Variants in TTLL7 observed in about 807,000 individuals in gnomAD.
TTLL7 encodes tubulin tyrosine ligase like 7, also known as tubulin polyglutamylase TTLL7.
In TTLL7, 53 loss-of-function variants were observed where a neutral mutation model predicts 120.2. The observed-to-expected ratio is 0.44, with a 90% CI of 0.35 to 0.55. The LOEUF is 0.55. Ranked by LOEUF, TTLL7 falls within the 20% of genes least tolerant of loss-of-function variation. The pLI, the probability that TTLL7 is intolerant of heterozygous loss-of-function variation, is 0.00. For synonymous variants in TTLL7, 353 were observed against 351.7 expected (o/e 1.00, Z -0.04); for missense variants, 803 against 1,054.7 (o/e 0.76, Z 3.31).
intron 6 of TTLL7, among the ~76,000 whole-genome samples, chr1:83,943,083 C>T (rs187436638): frequency 6.6e-6 from 1 of 152,212 alleles, no homozygotes; most frequent in Non-Finnish European, 1.5e-5. Context: ...TCCTGGAGGA[C>T]CTCAAAGGGC....
intron 17 of TTLL7, among the ~76,000 whole-genome samples, chr1:83,905,319 A>C (rs570033298): frequency 4.6e-5 from 7 of 151,896 alleles, no homozygotes; most frequent in African/African-American, 1.7e-4. Flanking sequence ...TTTGCTTATG[A>C]CTGTGTCATC....
intron 1 of TTLL7, among the ~76,000 whole-genome samples, chr1:83,974,984 T>C (rs1651331374): frequency 6.6e-6 from 1 of 152,078 alleles, no homozygotes; most frequent in African/African-American, 2.4e-5. Flanking sequence ...GCTCTCTCTT[T>C]TTATCTCAAC....
At chr1:83,906,160 A>G (rs1436217594) in intron 17 of TTLL7, among the ~76,000 whole-genome samples, 169 bp downstream of exon 17, 1 of 152,086 alleles carries the variant, frequency 6.6e-6, no homozygotes, top group African/African-American at 2.4e-5. Flanking sequence ...ATGAATTGTA[A>G]CAATTAAAAT....
Position 83,919,792 on chromosome 1 carries a change from A to G in TTLL7, c.1407T>C (p.Tyr469=). The G allele has an allele frequency of 6.2e-7, 1 of 1,612,956 alleles. No individual in the cohort carries two copies. Among genetic ancestry groups the G allele is most frequent in the Non-Finnish European group, 8.5e-7 (1 of 1,179,408 alleles). ...PPEDKALLEK[Y]ENLLAVAFQT... Reference sequence around the variant, plus strand: ...GAAAGGCAACAGCTAACAAATTTTCATACTTTTCAAGTAATGCTTTATCTT... The same window carrying G: ...GAAAGGCAACAGCTAACAAATTTTCGTACTTTTCAAGTAATGCTTTATCTT... Residue 469 remains tyrosine, a synonymous_variant, in exon 13 of 21, where the codon TAT becomes TAC. Transcript: ENST00000260505.
At chr1:83,937,205 AT>A (rs71695804) in intron 8 of TTLL7, among the ~76,000 whole-genome samples, 54,653 of 144,280 alleles carry the variant, frequency 0.38, 11,412 homozygotes, top group Non-Finnish European at 0.49. Context: ...CAGTACGGTA[AT>A]TTTTTTTTTT....
At chr1:83,966,658 ATGGG>A (rs1253430672) in intron 1 of TTLL7, among the ~76,000 whole-genome samples, 1 of 152,102 alleles carries the variant, frequency 6.6e-6, no homozygotes, top group African/African-American at 2.4e-5. Context: ...AAGTAAGGAA[ATGGG>A]TAGAAAATAG....
chr1:83,958,104 T>C (rs1255695087), intron 1 of TTLL7, among the ~76,000 whole-genome samples: 2 of 152,208 alleles, frequency 1.3e-5, no homozygotes, highest in South Asian at 2.1e-4. Context: ...ATGGGGTTGA[T>C]ATCATCACTT....
In TTLL7 at chr1:83,985,222, G is replaced by T. The variant is rs141894615; in HGVS notation, c.-177+13709C>A. Among the ~76,000 whole-genome samples, 460 of 152,230 alleles carry T rather than the reference G, an allele frequency of 3.0e-3. 2 individuals carry two copies. Among genetic ancestry groups the T allele is most frequent in the African/African-American group, 0.01 (427 of 41,534 alleles). The stretch of plus-strand genomic sequence containing the variant: ...TATAGCCTTCAGTCTGTGGCCAGAG[G>T]CCCAAAAACCCCTGGCAATTCCCTG... On this transcript the variant is annotated intron_variant, in intron 1 of 20. Transcript: ENST00000260505.
intron 1 of TTLL7, among the ~76,000 whole-genome samples, chr1:83,988,587 G>A (rs1431777551): frequency 6.6e-6 from 1 of 152,204 alleles, no homozygotes; most frequent in Non-Finnish European, 1.5e-5. Flanking sequence ...TCTGACTGAT[G>A]CGAGATGGTA....
At chr1:83,993,794 G>T (rs1571420600) in intron 1 of TTLL7, among the ~76,000 whole-genome samples, 1 of 152,322 alleles carries the variant, frequency 6.6e-6, no homozygotes, top group East Asian at 1.9e-4. Context: ...CACCATCCCA[G>T]AGCCAAAACA....
At chr1:83,991,588 G>T (rs1436718012) in intron 1 of TTLL7, among the ~76,000 whole-genome samples, 2 of 152,080 alleles carry the variant, frequency 1.3e-5, no homozygotes, top group African/African-American at 2.4e-5. Context: ...AGGCTGCAGT[G>T]AACCATTATC....
chr1:83,896,215 G>C (rs772366354), intron 18 of TTLL7, among the ~76,000 whole-genome samples: 2 of 151,978 alleles, frequency 1.3e-5, no homozygotes, highest in African/African-American at 4.8e-5. Context: ...CTAATTTATA[G>C]AATATAGGTA....
chr1:83,961,639 T>C (rs180788847), intron 1 of TTLL7, among the ~76,000 whole-genome samples: 2 of 152,136 alleles, frequency 1.3e-5, no homozygotes, highest in Admixed American at 1.3e-4. Flanking sequence ...AAATAACAGC[T>C]ATAACTCGGT....
intron 18 of TTLL7, among the ~76,000 whole-genome samples, chr1:83,891,786 A>T (rs1225879139): frequency 6.6e-6 from 1 of 151,896 alleles, no homozygotes; most frequent in Non-Finnish European, 1.5e-5. Context: ...TCTTCATAAT[A>T]AATGGTAAGG....
intron 15 of TTLL7, among the ~76,000 whole-genome samples, chr1:83,910,215 T>G (rs1226728591): frequency 6.6e-6 from 1 of 152,144 alleles, no homozygotes; most frequent in Non-Finnish European, 1.5e-5. Context: ...TTAAGGCCAG[T>G]TTTAAAATAT....
intron 8 of TTLL7, among the ~76,000 whole-genome samples, chr1:83,934,486 T>C (rs1393160840): frequency 6.6e-6 from 1 of 152,184 alleles, no homozygotes; most frequent in East Asian, 1.9e-4. Flanking sequence ...TATTCAGTGA[T>C]GATTTTGTAG....
intron 10 of TTLL7, among the ~76,000 whole-genome samples, chr1:83,925,645 T>C (rs923829229): frequency 3.3e-5 from 5 of 152,230 alleles, no homozygotes; most frequent in Admixed American, 6.5e-5. Flanking sequence ...CCCAGCTTTC[T>C]AGCCTGGACT....
At chr1:83,930,927 C>G (rs1402746045) in intron 9 of TTLL7, among the ~76,000 whole-genome samples, 2 of 151,482 alleles carry the variant, frequency 1.3e-5, no homozygotes, top group Admixed American at 6.6e-5. Context: ...TATACCCACA[C>G]AAGATAAACT....
chr1:83,889,804 C>T, intron 19 of TTLL7: 1 of 388,194 alleles, frequency 2.6e-6, no homozygotes, highest in Admixed American at 3.0e-5. Context: ...TGGCAAATGA[C>T]TGAATAAAGA....
Sources: allele counts gnomAD v4.1 joint callset (sites outside exome capture counted in the v4.1 genomes callset), GRCh38; gene constraint gnomAD v4.1.1; transcripts MANE v1.5; gene names NCBI Gene and HGNC (gene_info 2026-07-23, HGNC 2026-07-21).